MYLK3: variants seen among roughly 807,000 people sequenced by gnomAD.
The protein encoded by MYLK3 is MLC kinase.
Under a neutral mutation model 76.3 loss-of-function variants are expected in MYLK3, and 55 were observed. The ratio of observed to expected loss-of-function variants is 0.72; its 90% CI spans 0.58 to 0.90. The LOEUF (loss-of-function observed/expected upper bound fraction) is 0.90, where lower values mean the gene tolerates loss of function less well. MYLK3 is among the 40% of genes least tolerant of loss of function. The probability of loss-of-function intolerance (pLI) is 0.00; values close to 1 mark genes in which losing one functional copy is unlikely to be tolerated. For synonymous variants in MYLK3, 416 were observed against 425.4 expected, an observed-to-expected ratio of 0.98 and a Z score of 0.27; for missense variants, 973 against 1,053.6, an observed-to-expected ratio of 0.92 and a Z score of 1.06.
intron 1 of MYLK3, among the ~76,000 whole-genome samples, chr16:46,743,602 T>G (rs1966970216): frequency 6.6e-6 from 1 of 152,098 alleles, no homozygotes; most frequent in African/African-American, 2.4e-5. Flanking sequence ...AGAGGAGAAA[T>G]CTAGCAAGTT....
In MYLK3 at chr16:46,763,003, A is replaced by C. The variant is rs140092249; in HGVS notation, c.-114+37T>G. Reference sequence around the variant, plus strand: ...AATACACTGCTGAAAACACCCCCCCACACACACACAGTAGGTTTATCACTG... The same window carrying C: ...AATACACTGCTGAAAACACCCCCCCCCACACACACAGTAGGTTTATCACTG... On this transcript the variant is annotated intron_variant, in intron 1 of 11. Coordinates refer to the MYLK3 transcript ENST00000536476. The C allele has an allele frequency of 6.8e-3, 6,688 of 977,790 alleles. 38 individuals carry two copies. The highest frequency in any genetic ancestry group is 7.9e-3 in the Middle Eastern group (15 of 1,904). The allele number at this position is 977,790 out of a possible 1,614,324, so 60.6% of individuals were successfully genotyped here. A position where few individuals can be genotyped will look rare whatever the true frequency, so the allele number is the denominator to read the frequency against.
chr16:46,723,352 G>T (rs1288084003), intron 8 of MYLK3, among the ~76,000 whole-genome samples: 2 of 152,122 alleles, frequency 1.3e-5, no homozygotes, highest in Non-Finnish European at 2.9e-5. Context: ...ATATTCCATT[G>T]TATGGATTAG....
At chr16:46,732,157 A>C in intron 4 of MYLK3, 51 bp downstream of exon 4, 1 of 1,471,744 alleles carries the variant, frequency 6.8e-7, no homozygotes, top group African/African-American at 1.4e-5. Context: ...TAGGGGCTCC[A>C]AACTCCCTCC....
At chr16:46,760,756 C>A (rs1289240549) in intron 1 of MYLK3, among the ~76,000 whole-genome samples, 1 of 152,104 alleles carries the variant, frequency 6.6e-6, no homozygotes, top group African/African-American at 2.4e-5. Context: ...AGAGGCGGGA[C>A]CTGAGGGTCC....
At chr16:46,717,833 C>T (rs1159328853) in intron 9 of MYLK3, among the ~76,000 whole-genome samples, 2 of 152,222 alleles carry the variant, frequency 1.3e-5, no homozygotes, top group African/African-American at 4.8e-5. Context: ...ATCCTGTCCA[C>T]CAGTCCCTGC....
intron 1 of MYLK3, among the ~76,000 whole-genome samples, chr16:46,742,830 G>A (rs954906128): frequency 1.3e-5 from 2 of 152,164 alleles, no homozygotes; most frequent in South Asian, 2.1e-4. Flanking sequence ...TCCCCTGCTC[G>A]GCAGACAGCT....
At position 46,703,173 on chromosome 16, in the gene MYLK3, A is replaced by G. The variant is rs1966593368; in HGVS notation, c.*4531T>C. Among the ~76,000 whole-genome samples the G allele has an allele frequency of 6.6e-6, 1 of 152,126 alleles. No homozygotes were observed. Among genetic ancestry groups the G allele is most frequent in the African/African-American group, 2.4e-5 (1 of 41,408 alleles). On this transcript the variant is annotated 3_prime_UTR_variant, in exon 13 of 13. Transcript: ENST00000394809. ...AAAAAATGGCTTTCAGTATATCTAG[A>G]TCTATCTATAACAGCTGTGAGGTAT...
At chr16:46,746,332 T>C (rs1420031396) in intron 1 of MYLK3, among the ~76,000 whole-genome samples, 1 of 152,166 alleles carries the variant, frequency 6.6e-6, no homozygotes, top group Non-Finnish European at 1.5e-5. Context: ...CACACCATCA[T>C]AGGACTAAGT....
chr16:46,730,879 G>A (rs566413616), intron 4 of MYLK3, among the ~76,000 whole-genome samples, 181 bp from the exon 5 acceptor site: 7 of 152,310 alleles, frequency 4.6e-5, no homozygotes, highest in East Asian at 3.9e-4. Flanking sequence ...AAGGGAGCCC[G>A]TGACAGACAG....
chr16:46,740,565 T>G (rs1400349614), intron 1 of MYLK3, among the ~76,000 whole-genome samples: 2 of 146,148 alleles, frequency 1.4e-5, no homozygotes, highest in Non-Finnish European at 3.0e-5. Context: ...TTTTTTTTTT[T>G]TTTTGAGACA....
intron 1 of MYLK3, among the ~76,000 whole-genome samples, chr16:46,757,905 A>T (rs116308840): frequency 5.8e-4 from 88 of 152,052 alleles, no homozygotes; most frequent in African/African-American, 2.1e-3. Context: ...ATGTGCAGGG[A>T]CTCCTTGCAT....
upstream of MYLK3, among the ~76,000 whole-genome samples, chr16:46,752,504 C>T (rs776626666): frequency 3.3e-5 from 5 of 152,148 alleles, no homozygotes; most frequent in Non-Finnish European, 7.3e-5. Flanking sequence ...ATGTAACAAA[C>T]TTGCACATGT....
chr16:46,745,219 T>C (rs567181138), intron 1 of MYLK3, among the ~76,000 whole-genome samples: 1 of 152,328 alleles, frequency 6.6e-6, no homozygotes, highest in South Asian at 2.1e-4. Context: ...CACACTTGTG[T>C]TCAGTGACAT....
intron 3 of MYLK3, 50 bp downstream of exon 3, chr16:46,737,661 G>T (rs753314518): frequency 7.2e-6 from 11 of 1,523,508 alleles, no homozygotes; most frequent in Non-Finnish European, 9.8e-6. Context: ...CTCCAGCGAG[G>T]GGCCACAGTC....
chr16:46,730,172 C>T (rs956304788), intron 5 of MYLK3, among the ~76,000 whole-genome samples: 3 of 150,102 alleles, frequency 2.0e-5, no homozygotes, highest in Non-Finnish European at 4.4e-5. Flanking sequence ...GGCCATCCTG[C>T]ACCCCAGGGA....
intron 8 of MYLK3, among the ~76,000 whole-genome samples, chr16:46,721,860 G>A (rs893380208): frequency 1.3e-5 from 2 of 152,194 alleles, no homozygotes; most frequent in Non-Finnish European, 1.5e-5. Flanking sequence ...AAATCCCAAT[G>A]TTATACTGGA....
intron 8 of MYLK3, among the ~76,000 whole-genome samples, chr16:46,722,939 C>G (rs965637260): frequency 6.6e-6 from 1 of 152,116 alleles, no homozygotes; most frequent in Non-Finnish European, 1.5e-5. Context: ...CTCAAACTCC[C>G]GACCTCAGGT....
chr16:46,714,528 C>G (rs1966717676), intron 9 of MYLK3, among the ~76,000 whole-genome samples: 1 of 152,210 alleles, frequency 6.6e-6, no homozygotes, highest in East Asian at 1.9e-4. Flanking sequence ...TGCCCAGCAG[C>G]TGACCCAGGA....
At chr16:46,730,766 C>T (rs551744688) in intron 4 of MYLK3, 68 bp from the exon 5 acceptor site, 13 of 1,396,830 alleles carry the variant, frequency 9.3e-6, no homozygotes, top group East Asian at 2.3e-5. Context: ...TCACCTGTGC[C>T]AGACCCACTT....
Sources: gnomAD v4.1 joint callset for allele counts (sites outside exome capture counted in the v4.1 genomes callset) on GRCh38, gnomAD v4.1.1 for gene constraint, MANE v1.5 for transcripts, NCBI Gene and HGNC (gene_info 2026-07-23, HGNC 2026-07-21) for gene names.